Variants in ACER3 observed in about 807,000 individuals in gnomAD.
ACER3 encodes the protein alkCDase 3.
ACER3 carries 16 observed loss-of-function variants against 48.9 expected under a neutral mutation model. That is an observed-to-expected ratio of 0.33 (90% CI 0.22 to 0.50). ACER3 has a LOEUF of 0.50. ACER3 is among the 20% of genes least tolerant of loss of function. The pLI is 0.98. For missense variants in ACER3, 227 were observed against 326.0 expected (o/e 0.70, Z 2.34); for synonymous variants, 109 against 107.8 (o/e 1.01, Z -0.07).
intron 1 of ACER3, among the ~76,000 whole-genome samples, chr11:76,899,477 A>G (rs962496997): frequency 1.3e-5 from 2 of 152,194 alleles, no homozygotes; most frequent in East Asian, 3.8e-4. Flanking sequence ...TTAGTCAAAT[A>G]TATGCCTTTC....
chr11:76,910,079 A>G (rs1165540017), intron 1 of ACER3, among the ~76,000 whole-genome samples: 1 of 131,294 alleles, frequency 7.6e-6, no homozygotes, highest in Non-Finnish European at 1.6e-5. Flanking sequence ...ATGAGAACAT[A>G]TGGGCACAGG....
intron 1 of ACER3, among the ~76,000 whole-genome samples, chr11:76,901,025 T>G (rs1946069049): frequency 2.0e-5 from 3 of 152,228 alleles, no homozygotes; most frequent in Admixed American, 6.5e-5. Flanking sequence ...GACTTTTTTC[T>G]ATAATAATGG....
At position 77,023,152 on chromosome 11, in the gene ACER3, T is replaced by C. The variant is rs1555024880; in HGVS notation, c.*2825T>C. ...TTAATCCTTGTGATAGTAAATGCAT[T>C]GATAATTAACAGGAAAAACATGTTT... On this transcript the variant is annotated 3_prime_UTR_variant, in exon 11 of 11. Transcript: ENST00000532485. 2 of 398,494 alleles carry C rather than the reference T, an allele frequency of 5.0e-6. No individual in the cohort carries two copies. Among genetic ancestry groups the C allele is most frequent in the Non-Finnish European group, 8.8e-6 (2 of 226,064 alleles). 24.7% of individuals were successfully genotyped at this position (398,494 alleles called of 1,614,324 possible).
intron 3 of ACER3, among the ~76,000 whole-genome samples, chr11:76,961,764 A>T (rs1948000318): frequency 1.3e-5 from 2 of 148,264 alleles, no homozygotes; most frequent in Admixed American, 1.4e-4. Context: ...GGGAAATCTG[A>T]GTCCATACTA....
intron 4 of ACER3, among the ~76,000 whole-genome samples, chr11:76,984,445 A>G (rs1948646507): frequency 6.6e-6 from 1 of 152,220 alleles, no homozygotes; most frequent in African/African-American, 2.4e-5. Context: ...GCCTCTTCTA[A>G]CCACCTTTCC....
At chr11:76,980,887 T>C (rs1416946673) in intron 4 of ACER3, among the ~76,000 whole-genome samples, 3 of 152,220 alleles carry the variant, frequency 2.0e-5, no homozygotes, top group Non-Finnish European at 4.4e-5. Context: ...GATTTGTTTA[T>C]AAAATAAACT....
chr11:76,872,749 A>G (rs769379079), intron 1 of ACER3, among the ~76,000 whole-genome samples: 5 of 152,160 alleles, frequency 3.3e-5, no homozygotes, highest in Admixed American at 6.5e-5. Context: ...CCTAACATCT[A>G]TGAAGTGCTT....
At chr11:76,899,384 A>C (rs10751263) in intron 1 of ACER3, among the ~76,000 whole-genome samples, 115,414 of 152,074 alleles carry the variant, frequency 0.76, 44,157 homozygotes, top group African/African-American at 0.81. Flanking sequence ...GCAGTGTAAT[A>C]GTTATATTGC....
intron 3 of ACER3, among the ~76,000 whole-genome samples, chr11:76,965,482 G>C (rs571981729): frequency 6.6e-6 from 1 of 151,260 alleles, no homozygotes; most frequent in Admixed American, 6.5e-5. Context: ...TCCTCGAGAG[G>C]AGCAACTCCA....
At chr11:77,013,786 A>G (rs1350996298) in intron 7 of ACER3, among the ~76,000 whole-genome samples, 2 of 152,254 alleles carry the variant, frequency 1.3e-5, no homozygotes, top group Non-Finnish European at 2.9e-5. Context: ...GTGAATGTTC[A>G]TAGCTGCTTT....
At chr11:77,014,415 A>G (rs962505672) in intron 7 of ACER3, among the ~76,000 whole-genome samples, 1 of 152,236 alleles carries the variant, frequency 6.6e-6, no homozygotes, top group Non-Finnish European at 1.5e-5. Flanking sequence ...AACTTTACCT[A>G]TTGACCACTA....
intron 1 of ACER3, among the ~76,000 whole-genome samples, chr11:76,911,799 A>T (rs1456741294): frequency 6.6e-6 from 1 of 152,140 alleles, no homozygotes; most frequent in Non-Finnish European, 1.5e-5. Flanking sequence ...TTTTTATTTG[A>T]GTCCTAATTC....
In ACER3 at chr11:76,907,070, G is replaced by GT. The variant is rs925403607; in HGVS notation, c.104-19479dup. Among the ~76,000 whole-genome samples, 6 of 151,774 alleles carry GT rather than the reference G, an allele frequency of 4.0e-5. No individual in the cohort carries two copies. In the East Asian group the frequency reaches 7.7e-4, roughly 20 times the overall value. On this transcript the variant is annotated intron_variant, in intron 1 of 10. Transcript: ENST00000532485. Reference sequence around the variant, plus strand: ...AGATACTTAATTCACTTCTCTCACTGTTTTTTTTCACCCTTTTTTACAGGA... The same window carrying GT: ...AGATACTTAATTCACTTCTCTCACTGTTTTTTTTTCACCCTTTTTTACAGGA...
At position 77,025,702 on chromosome 11, in the gene ACER3, A is replaced by G. The variant is rs1020036382; in HGVS notation, c.*5375A>G. The G allele has an allele frequency of 6.6e-6, 1 of 152,170 alleles. No individual in the cohort carries two copies. Among genetic ancestry groups the G allele is most frequent in the Non-Finnish European group, 1.5e-5 (1 of 68,054 alleles). 9.4% of individuals were successfully genotyped at this position (152,170 alleles called of 1,614,324 possible). On this transcript the variant is annotated 3_prime_UTR_variant, in exon 11 of 11. Transcript: ENST00000532485. ...ATTACAGGCGTGAGCTACCGTGCCC[A>G]GCTGGTTTTTACATTTTAAAAACGT...
intron 1 of ACER3, among the ~76,000 whole-genome samples, chr11:76,912,822 G>A (rs569639983): frequency 1.2e-4 from 19 of 152,152 alleles, no homozygotes; most frequent in African/African-American, 2.6e-4. Flanking sequence ...TATTGTTAGC[G>A]GTGGAAGAGA....
chr11:76,930,154 G>A (rs1382166440), intron 2 of ACER3, among the ~76,000 whole-genome samples: 1 of 152,184 alleles, frequency 6.6e-6, no homozygotes, highest in Non-Finnish European at 1.5e-5. Flanking sequence ...CCTGTCATTG[G>A]TGTATTCAGG....
At chr11:76,996,398 C>CATTATTATTATTATTATT (rs113842907) in intron 6 of ACER3, among the ~76,000 whole-genome samples, 3 of 146,580 alleles carry the variant, frequency 2.0e-5, no homozygotes, top group African/African-American at 7.5e-5. Context: ...ATTGGCTTTC[C>CATTATTATTATTATTATT]ATTATTATTA....
chr11:76,956,220 C>T (rs1348168056), intron 2 of ACER3, among the ~76,000 whole-genome samples: 1 of 152,130 alleles, frequency 6.6e-6, no homozygotes, highest in East Asian at 1.9e-4. Context: ...ACCTGATAAA[C>T]AGCAAAACTT....
At chr11:76,892,462 AT>A (rs1251580443) in intron 1 of ACER3, among the ~76,000 whole-genome samples, 1 of 152,174 alleles carries the variant, frequency 6.6e-6, no homozygotes. Flanking sequence ...CAACACTGCT[AT>A]TTTAGTTGGA....
Sources: gnomAD v4.1 joint callset for allele counts (sites outside exome capture counted in the v4.1 genomes callset) on GRCh38, gnomAD v4.1.1 for gene constraint, MANE v1.5 for transcripts, NCBI Gene and HGNC (gene_info 2026-07-23, HGNC 2026-07-21) for gene names.